PRICKLE2: variants seen among roughly 807,000 people sequenced by gnomAD.
PRICKLE2 encodes prickle planar cell polarity protein 2.
A neutral mutation model predicts 81.4 loss-of-function variants in PRICKLE2; 21 were observed. That is an observed-to-expected ratio of 0.26 (90% CI 0.18 to 0.37). The LOEUF (loss-of-function observed/expected upper bound fraction) is 0.37. Among genes scored for constraint, PRICKLE2 ranks in the 10% least tolerant of loss-of-function variants. The pLI is 1.00. For synonymous variants in PRICKLE2, 456 were observed against 421.5 expected, an observed-to-expected ratio of 1.08 and a Z score of -1.00; for missense variants, 940 against 1,109.0, an observed-to-expected ratio of 0.85 and a Z score of 2.16.
chr3:64,230,695 T>G (rs938333558), intron 2 of PRICKLE2, among the ~76,000 whole-genome samples: 2 of 152,120 alleles, frequency 1.3e-5, no homozygotes, highest in Non-Finnish European at 2.9e-5. Context: ...AATTACCTCC[T>G]AGCAGCATGA....
intron 2 of PRICKLE2, among the ~76,000 whole-genome samples, chr3:64,266,010 G>T (rs755503749): frequency 1.3e-5 from 2 of 152,174 alleles, no homozygotes; most frequent in Non-Finnish European, 2.9e-5. Context: ...TAAAAGGCTT[G>T]TTGATGCAGA....
At chr3:64,145,279 T>C (rs1177135106) in intron 7 of PRICKLE2, 1 of 146,646 alleles carries the variant, frequency 6.8e-6, no homozygotes, top group African/African-American at 2.5e-5. Flanking sequence ...TATATATATA[T>C]ATATAATATA....
In PRICKLE2 at chr3:64,167,548, G is replaced by A. The variant is rs139025740; in HGVS notation, c.145-4419C>T. 4.8e-4 allele frequency among the ~76,000 whole-genome samples: 73 copies of A among 152,334 alleles called. No homozygotes were observed. In the East Asian group the frequency reaches 0.013, roughly 26 times the overall value. ...TCAGTGTGTGTCAGACAGATCGCAAGCACTTTAGTCAGTGCGCATATAAAG... is the reference window on the plus strand; with the variant it reads ...TCAGTGTGTGTCAGACAGATCGCAAACACTTTAGTCAGTGCGCATATAAAG... On this transcript the variant is annotated intron_variant, in intron 2 of 7. Transcript: ENST00000638394.
At position 64,198,692 on chromosome 3, in the gene PRICKLE2, G is replaced by A. The variant is rs979055227; in HGVS notation, c.144+92C>T. ...CCTACCACTTCTCTGAATCAGCAAA[G>A]TCTACTCTTCCTACAGAACTGGAAT... is the stretch of plus-strand genomic sequence containing the variant. On this transcript the variant is annotated intron_variant, in intron 2 of 7. Coordinates refer to ENST00000638394, the MANE Select transcript of PRICKLE2 (RefSeq NM_198859.4). 1.0e-5 allele frequency: 14 copies of A among 1,391,628 alleles called. No homozygotes were observed. In the Admixed American group the frequency reaches 2.3e-4, roughly 23 times the overall value. 86.2% of individuals were successfully genotyped at this position (1,391,628 alleles called of 1,614,324 possible).
chr3:64,166,275 C>T (rs2077831372), intron 2 of PRICKLE2, among the ~76,000 whole-genome samples: 1 of 152,096 alleles, frequency 6.6e-6, no homozygotes, highest in South Asian at 2.1e-4. Flanking sequence ...ATTCCAAATT[C>T]CCCAGAGAAG....
chr3:64,153,553 C>T, intron 5 of PRICKLE2, 185 bp from the exon 6 acceptor site: 1 of 597,948 alleles, frequency 1.7e-6, no homozygotes, highest in Non-Finnish European at 2.9e-6. Flanking sequence ...CATGGATTTA[C>T]CTAAAGCATA....
At chr3:64,245,407 A>G (rs1282190833) in intron 2 of PRICKLE2, among the ~76,000 whole-genome samples, 1 of 152,152 alleles carries the variant, frequency 6.6e-6, no homozygotes, top group Non-Finnish European at 1.5e-5. Flanking sequence ...CTCACCTCTC[A>G]GTCTCATCTT....
intron 1 of PRICKLE2, among the ~76,000 whole-genome samples, chr3:64,223,158 T>A (rs2107151619): frequency 6.6e-6 from 1 of 152,332 alleles, no homozygotes; most frequent in African/African-American, 2.4e-5. Context: ...AATACTGTTT[T>A]TTAGCAACAA....
chr3:64,224,238 A>T (rs887242227), intron 1 of PRICKLE2, among the ~76,000 whole-genome samples: 2 of 152,188 alleles, frequency 1.3e-5, no homozygotes, highest in African/African-American at 4.8e-5. Context: ...ACAAAAAACC[A>T]TGGGATTAAA....
intron 2 of PRICKLE2, among the ~76,000 whole-genome samples, chr3:64,241,452 C>T (rs2079264044): frequency 6.6e-6 from 1 of 152,246 alleles, no homozygotes; most frequent in Non-Finnish European, 1.5e-5. Flanking sequence ...TGTGCATACA[C>T]ATACATGTAT....
rs776506936 is a variant in PRICKLE2, at chr3:64,099,815, C to T, written c.1771G>A (p.Gly591Ser). The change falls in exon 8 of 8, where the codon GGC becomes AGC. Residue 591 changes from glycine to serine, a missense_variant. By Grantham distance (56) the Gly-to-Ser change is moderately conservative. Around this residue, in one of 2 missense-constraint regions of PRICKLE2, gnomAD observed 670 missense variants for 717.2 expected, o/e 0.93. Coordinates refer to ENST00000638394, the MANE Select transcript of PRICKLE2 (RefSeq NM_198859.4). This position sits in a 1 kb window ranked among gnomAD's most constrained non-coding sequence, Gnocchi z 4.3. ...MNVSEKLSNM[G>S]TLNSSMQFRS... ...AACTGCATGGACGAGTTAAGAGTGC[C>T]CATGTTGCTCAGCTTCTCAGACACA... 1.9e-6 allele frequency: 3 copies of T among 1,614,026 alleles called. No individual in the cohort carries two copies. Among genetic ancestry groups the T allele is most frequent in the African/African-American group, 2.7e-5 (2 of 74,914 alleles).
chr3:64,225,789 G>A (rs141160754), upstream of PRICKLE2, among the ~76,000 whole-genome samples: 5 of 151,928 alleles, frequency 3.3e-5, no homozygotes, highest in African/African-American at 7.3e-5. Context: ...CAACCTGAGC[G>A]CCTGTTTCAG....
chr3:64,111,261 G>A (rs1204179457), intron 7 of PRICKLE2, among the ~76,000 whole-genome samples: 1 of 152,212 alleles, frequency 6.6e-6, no homozygotes, highest in Non-Finnish European at 1.5e-5. Context: ...TCTTCTTACT[G>A]TCCTTTACTC....
intron 2 of PRICKLE2, among the ~76,000 whole-genome samples, chr3:64,249,892 T>C (rs1039085616): frequency 5.3e-5 from 8 of 152,234 alleles, no homozygotes; most frequent in Non-Finnish European, 2.9e-5. Context: ...TTGTGTAGCA[T>C]ATCAATATTG....
chr3:64,152,560 T>C (rs2077564574), intron 6 of PRICKLE2, among the ~76,000 whole-genome samples: 1 of 152,150 alleles, frequency 6.6e-6, no homozygotes, highest in South Asian at 2.1e-4. Context: ...CTATTTTTTT[T>C]TTTTTAAAGA....
At chr3:64,214,240 G>A (rs549056574) in intron 1 of PRICKLE2, among the ~76,000 whole-genome samples, 5 of 152,254 alleles carry the variant, frequency 3.3e-5, no homozygotes, top group South Asian at 4.1e-4. Flanking sequence ...GTGCTGGAGG[G>A]AAAAACTTCC....
At position 64,092,646 on chromosome 3, in the gene PRICKLE2, C is replaced by T. The variant is rs2076523235; in HGVS notation, c.*6405G>A. On this transcript the variant is annotated 3_prime_UTR_variant, in exon 8 of 8. Coordinates refer to ENST00000638394, the MANE Select transcript of PRICKLE2 (RefSeq NM_198859.4). ...CCAGAACACAGACATGGATGTAATT[C>T]TCCAGACAGACCACTTATTATTTGC... The T allele has an allele frequency of 1.3e-5, 2 of 152,222 alleles. No homozygotes were observed. The highest frequency in any genetic ancestry group is 6.5e-5 in the Admixed American group (1 of 15,274). The allele number at this position is 152,222 out of a possible 1,614,324, so 9.4% of individuals were successfully genotyped here.
At chr3:64,166,700 C>T (rs1210859423) in intron 2 of PRICKLE2, among the ~76,000 whole-genome samples, 1 of 152,148 alleles carries the variant, frequency 6.6e-6, no homozygotes, top group Non-Finnish European at 1.5e-5. Context: ...CAAGATGCCC[C>T]ATTTCTAAAA....
At chr3:64,100,773 T>C (rs1184245549) in intron 7 of PRICKLE2, 1 of 152,254 alleles carries the variant, frequency 6.6e-6, no homozygotes, top group Non-Finnish European at 1.5e-5. Context: ...TGGGAGATAC[T>C]GACTGCAGTA....
Sources: allele counts gnomAD v4.1 joint callset (sites outside exome capture counted in the v4.1 genomes callset), GRCh38; gene constraint gnomAD v4.1.1; regional missense constraint gnomAD v4.1.1; non-coding constraint Gnocchi (gnomAD v3.1); transcripts MANE v1.5; gene names NCBI Gene and HGNC (gene_info 2026-07-23, HGNC 2026-07-21).